VIPR1: variants seen among roughly 807,000 people sequenced by gnomAD.
VIPR1 encodes the protein vasoactive intestinal polypeptide receptor 1.
In VIPR1, 59 loss-of-function variants were observed where a neutral mutation model predicts 58.8. That is an observed-to-expected ratio of 1.00 (90% CI 0.81 to 1.25). The LOEUF (loss-of-function observed/expected upper bound fraction) is 1.25. VIPR1 is among the 50% of genes most tolerant of loss of function. The pLI, the probability that VIPR1 is intolerant of heterozygous loss-of-function variation, is 0.00. For synonymous variants in VIPR1, 251 were observed against 242.1 expected, an observed-to-expected ratio of 1.04 and a Z score of -0.34; for missense variants, 626 against 602.7, an observed-to-expected ratio of 1.04 and a Z score of -0.40.
At chr3:42,509,463 CA>C (rs1700266585) in intron 1 of VIPR1, 1 of 152,354 alleles carries the variant, frequency 6.6e-6, no homozygotes, top group Non-Finnish European at 1.5e-5. Context: ...CCCCCATCAC[CA>C]CACCTAGCCT....
chr3:42,522,823 C>T (rs1460785414), intron 3 of VIPR1, among the ~76,000 whole-genome samples: 1 of 152,176 alleles, frequency 6.6e-6, no homozygotes, highest in Non-Finnish European at 1.5e-5. Flanking sequence ...TTCCTCAATT[C>T]CTGGCTCCAG....
upstream of VIPR1, chr3:42,501,956 G>A (rs891010909): frequency 6.6e-6 from 1 of 152,344 alleles, no homozygotes; most frequent in Non-Finnish European, 1.5e-5. The surrounding 1 kb of genome is among the most constrained non-coding windows in gnomAD (Gnocchi z 4.8). Context: ...TGAAGGGCCA[G>A]GGCACCCAAC....
chr3:42,498,435 C>T (rs1699807429), upstream of VIPR1, among the ~76,000 whole-genome samples: 1 of 152,160 alleles, frequency 6.6e-6, no homozygotes, highest in Non-Finnish European at 1.5e-5. Flanking sequence ...CCTCTTTTGT[C>T]TCTCACAGGT....
Position 42,535,378 on chromosome 3 carries a change from T to C in VIPR1, c.1176T>C (p.Asn392=). 8.1e-6 allele frequency: 13 copies of C among 1,614,086 alleles called. No individual in the cohort carries two copies. The highest frequency in any genetic ancestry group is 1.0e-5 in the Non-Finnish European group (12 of 1,180,018). ...FVVAILYCFL[N]GEVQAELRRK... ...TGGCTATCCTCTACTGCTTCCTCAA[T>C]GGTGAGGTAAGCCCCTCCCAGTCCT... The change falls in exon 12 of 13, where the codon AAT becomes AAC. Residue 392 remains asparagine, a synonymous_variant. Transcript: ENST00000325123.
chr3:42,536,026 G>A (rs1701822739), intron 12 of VIPR1, 64 bp from the exon 13 acceptor site: 1 of 1,494,454 alleles, frequency 6.7e-7, no homozygotes, highest in South Asian at 1.3e-5. Flanking sequence ...TAAGTCCAGG[G>A]CAGCCCAATC....
rs1169064479 is a variant in VIPR1 at position 42,496,229 on chromosome 3, CA to C, written c.-245+6560del. Among the ~76,000 whole-genome samples, 7 of 151,020 alleles carry C rather than the reference CA, an allele frequency of 4.6e-5. No individual in the cohort carries two copies. The East Asian group carries it at 9.7e-4, about 21-fold the overall frequency. On this transcript the variant is annotated intron_variant, in intron 1 of 13. Coordinates refer to the VIPR1 transcript ENST00000433647. ...TCCAGCCTGGGGCAAGACTCCGTCT[CA>C]AAAAAAAAGCTAATACATCTCCCTT...
rs138002757 is a variant in VIPR1, at chr3:42,531,476, C to A, written c.796C>A (p.Pro266Thr). The stretch of plus-strand genomic sequence containing the variant: ...ACTCTCCCTGGGCCTGACAGGGGTA[C>A]CCAGCACATTCACCATGGTGTGGAC... ...WGYILIGWGV[P>T]STFTMVWTIA... The change falls in exon 8 of 13, where the codon CCC becomes ACC. Residue 266 changes from proline (P) to threonine (T), a missense_variant. By Grantham distance (38) the Pro-to-Thr change is conservative. Coordinates refer to ENST00000325123, the MANE Select transcript of VIPR1 (RefSeq NM_004624.4). 1 of 1,583,498 alleles carries A rather than the reference C, an allele frequency of 6.3e-7. No homozygotes were observed. The highest frequency in any genetic ancestry group is 8.6e-7 in the Non-Finnish European group (1 of 1,163,568).
intron 2 of VIPR1, among the ~76,000 whole-genome samples, 184 bp from the exon 3 acceptor site, chr3:42,519,039 G>C (rs111441892): frequency 6.6e-6 from 1 of 152,226 alleles, no homozygotes; most frequent in Non-Finnish European, 1.5e-5. Flanking sequence ...CCTCCTTCCT[G>C]CCTCCCTGTC....
At chr3:42,501,428 C>A (rs1022233609), upstream of VIPR1, among the ~76,000 whole-genome samples, 9 of 152,200 alleles carry the variant, frequency 5.9e-5, no homozygotes, top group African/African-American at 2.2e-4. This position sits in a 1 kb window ranked among gnomAD's most constrained non-coding sequence, Gnocchi z 4.8. Context: ...CGCCTCTCCA[C>A]TGAACTCCGC....
intron 1 of VIPR1, among the ~76,000 whole-genome samples, chr3:42,504,708 C>T (rs561409653): frequency 1.3e-4 from 19 of 148,184 alleles, no homozygotes; most frequent in African/African-American, 3.9e-4. Flanking sequence ...CTACCAATCG[C>T]TCCCTCATGG....
At chr3:42,517,519 C>T (rs1357520699) in intron 2 of VIPR1, among the ~76,000 whole-genome samples, 2 of 152,332 alleles carry the variant, frequency 1.3e-5, no homozygotes, top group South Asian at 4.1e-4. Flanking sequence ...TTCAAGCAGA[C>T]CCCTAGAGAC....
Position 42,530,866 on chromosome 3 carries a change from A to G in VIPR1, c.724A>G (p.Thr242Ala). 6.2e-7 allele frequency: 1 copy of G among 1,613,862 alleles called. No individual in the cohort carries two copies. The highest frequency in any genetic ancestry group is 8.5e-7 in the Non-Finnish European group (1 of 1,179,940). The change falls in exon 7 of 13, where the codon ACC (threonine) becomes GCC (alanine). Residue 242 changes from threonine (T) to alanine (A), a missense_variant. Physicochemically the swap from Thr to Ala is moderately conservative, Grantham distance 58. Coordinates refer to ENST00000325123, the MANE Select transcript of VIPR1 (RefSeq NM_004624.4). ...WLLVEGLYLY[T>A]LLAVSFFSER... ...GCTGGTGGAGGGCCTCTACCTGTACACCCTGCTTGCCGTCTCCTTCTTCTC... is the reference window on the plus strand; with the variant it reads ...GCTGGTGGAGGGCCTCTACCTGTACGCCCTGCTTGCCGTCTCCTTCTTCTC...
upstream of VIPR1, among the ~76,000 whole-genome samples, chr3:42,500,896 C>A (rs1395025890): frequency 6.6e-6 from 1 of 152,146 alleles, no homozygotes; most frequent in Non-Finnish European, 1.5e-5. Context: ...CTGATTATAT[C>A]GGGAAGGAGG....
intron 1 of VIPR1, among the ~76,000 whole-genome samples, chr3:42,493,823 A>T (rs1699709340): frequency 6.6e-6 from 1 of 152,144 alleles, no homozygotes; most frequent in South Asian, 2.1e-4. Flanking sequence ...AGAGGCACAG[A>T]CCTGGGCTGT....
At chr3:42,528,359 C>A in intron 6 of VIPR1, 4 of 565,196 alleles carry the variant, frequency 7.1e-6, no homozygotes. Flanking sequence ...GACCTGCCGC[C>A]GCCAGTGAGA....
intron 2 of VIPR1, among the ~76,000 whole-genome samples, chr3:42,515,749 G>A (rs1404671558): frequency 1.3e-5 from 2 of 152,214 alleles, no homozygotes; most frequent in African/African-American, 2.4e-5. Context: ...CTGTGCCTCT[G>A]GGGTCTATAG....
intron 2 of VIPR1, chr3:42,516,508 G>A (rs1170297693): frequency 6.6e-6 from 1 of 152,322 alleles, no homozygotes; most frequent in African/African-American, 2.4e-5. Flanking sequence ...GCCTCCCAAG[G>A]GCAGGGCCTG....
rs1481835412 is a variant in VIPR1, at chr3:42,512,653, G to C, written c.79-1096G>C. On this transcript the variant is annotated intron_variant, in intron 1 of 12. Coordinates refer to ENST00000325123, the MANE Select transcript of VIPR1 (RefSeq NM_004624.4). Reference sequence around the variant, plus strand: ...GTAAGGACCCTGTCCCAGGGTGGGAGGGACAAGCTGGAGGAGACACTGAGA... The same window carrying C: ...GTAAGGACCCTGTCCCAGGGTGGGACGGACAAGCTGGAGGAGACACTGAGA... 3.6e-6 allele frequency: 3 copies of C among 839,486 alleles called. No homozygotes were observed. In the East Asian group the frequency reaches 3.7e-4, roughly 104 times the overall value. The allele number at this position is 839,486 out of a possible 1,614,324, so 52.0% of individuals were successfully genotyped here.
At chr3:42,528,610 G>T (rs1201447153) in intron 6 of VIPR1, 1 of 160,766 alleles carries the variant, frequency 6.2e-6, no homozygotes, top group Non-Finnish European at 1.4e-5. Flanking sequence ...TACATATGCA[G>T]TCCTCCTCTT....
Sources: allele counts gnomAD v4.1 joint callset (sites outside exome capture counted in the v4.1 genomes callset), GRCh38; gene constraint gnomAD v4.1.1; non-coding constraint Gnocchi (gnomAD v3.1); transcripts MANE v1.5; gene names NCBI Gene and HGNC (gene_info 2026-07-23, HGNC 2026-07-21).